The following NTRK2 variants were observed in gnomAD, a reference collection of about 807,000 sequenced individuals.
NTRK2 encodes BDNF/NT-3 growth factors receptor.
A neutral mutation model predicts 94.5 loss-of-function variants in NTRK2; 13 were observed. The ratio of observed to expected loss-of-function variants is 0.14; its 90% confidence interval spans 0.09 to 0.22. The LOEUF is 0.22. Ranked by LOEUF, NTRK2 falls within the 10% of genes least tolerant of loss-of-function variation. The pLI is 1.00. For synonymous variants in NTRK2, 372 were observed against 407.4 expected, an observed-to-expected ratio of 0.91 and a Z score of 1.05; for missense variants, 639 against 1,071.2, an observed-to-expected ratio of 0.60 and a Z score of 5.63.
At chr9:84,887,958 T>C (rs1396425054) in intron 14 of NTRK2, among the ~76,000 whole-genome samples, 2 of 152,198 alleles carry the variant, frequency 1.3e-5, no homozygotes, top group African/African-American at 4.8e-5. Context: ...TCCTATTTGA[T>C]TAAAATTCAG....
chr9:84,799,962 C>T (rs2070195811), intron 12 of NTRK2, among the ~76,000 whole-genome samples: 1 of 152,154 alleles, frequency 6.6e-6, no homozygotes, highest in African/African-American at 2.4e-5. Context: ...TTTACTTTCT[C>T]CCTCAAGAAA....
At chr9:84,873,167 A>G (rs1327019139) in intron 14 of NTRK2, 1 of 1,063,484 alleles carries the variant, frequency 9.4e-7, no homozygotes, top group African/African-American at 1.6e-5. Flanking sequence ...AAAAACGGGT[A>G]GAAACAATTG....
At chr9:84,848,508 G>A (rs760682886) in intron 12 of NTRK2, among the ~76,000 whole-genome samples, 1 of 152,180 alleles carries the variant, frequency 6.6e-6, no homozygotes, top group Non-Finnish European at 1.5e-5. Flanking sequence ...GATTCCTGGA[G>A]ACTGACATTT....
chr9:84,981,251 T>G (rs1026347209), intron 17 of NTRK2, among the ~76,000 whole-genome samples: 3 of 97,266 alleles, frequency 3.1e-5, no homozygotes, highest in Non-Finnish European at 6.2e-5. Flanking sequence ...CAGCCGGTTT[T>G]GTTTTGTTTT....
chr9:84,843,621 G>A (rs1046759707), intron 12 of NTRK2, among the ~76,000 whole-genome samples: 13 of 152,172 alleles, frequency 8.5e-5, no homozygotes, highest in African/African-American at 2.9e-4. Flanking sequence ...GCTTGGCCCT[G>A]CCCTCAGTCA....
chr9:84,959,526 G>A (rs567786091), intron 17 of NTRK2, among the ~76,000 whole-genome samples: 3 of 152,296 alleles, frequency 2.0e-5, no homozygotes, highest in African/African-American at 4.8e-5. Flanking sequence ...TTCGTTACAG[G>A]GGAGCTGGTA....
chr9:84,812,542 G>T lies in NTRK2; in HGVS notation c.1397-48498G>T, dbSNP rs200538623. 2.9e-6 allele frequency: 3 copies of T among 1,046,752 alleles called. No homozygotes were observed. In the African/African-American group the frequency reaches 5.0e-5, roughly 17 times the overall value. The allele number at this position is 1,046,752 out of a possible 1,614,324, so 64.8% of individuals were successfully genotyped here. On this transcript the variant is annotated intron_variant, in intron 12 of 18. Transcript: ENST00000277120. ...ACTTAGATTCCGATCTTTCCCAAAG[G>T]TGTTGATTTACAAAGAGGCCAGCTA...
At chr9:84,965,846 A>G (rs1460512536) in intron 17 of NTRK2, among the ~76,000 whole-genome samples, 5 of 152,222 alleles carry the variant, frequency 3.3e-5, no homozygotes, top group Admixed American at 3.3e-4. Context: ...TCAACTCTCC[A>G]TATCAATCTC....
intron 12 of NTRK2, among the ~76,000 whole-genome samples, chr9:84,809,741 G>A (rs377361567): frequency 1.3e-5 from 2 of 151,702 alleles, no homozygotes; most frequent in African/African-American, 2.4e-5. Flanking sequence ...AATTAGCCGC[G>A]CGTGGTGGCA....
intron 15 of NTRK2, among the ~76,000 whole-genome samples, chr9:84,938,963 G>A (rs1201970287): frequency 7.0e-6 from 1 of 143,384 alleles, no homozygotes; most frequent in Admixed American, 7.2e-5. Flanking sequence ...GAAGTGGAAG[G>A]ATTGCTTGAG....
chr9:84,713,086 C>G (rs2061511302), intron 6 of NTRK2, among the ~76,000 whole-genome samples: 1 of 152,148 alleles, frequency 6.6e-6, no homozygotes, highest in South Asian at 2.1e-4. Context: ...TTGATATTAG[C>G]AAACTTGTTA....
chr9:84,767,316 TA>T (rs1247530001), intron 12 of NTRK2, among the ~76,000 whole-genome samples: 1 of 152,216 alleles, frequency 6.6e-6, no homozygotes, highest in Non-Finnish European at 1.5e-5. Context: ...TCACAATGGT[TA>T]AACATTAAGT....
intron 14 of NTRK2, among the ~76,000 whole-genome samples, chr9:84,920,491 G>A (rs1186298847): frequency 1.3e-5 from 2 of 152,138 alleles, no homozygotes; most frequent in Non-Finnish European, 2.9e-5. Flanking sequence ...TTGTGCTTAA[G>A]CTCTTTCCCA....
In NTRK2 at chr9:85,026,474, A is replaced by G. The variant is rs915640985; in HGVS notation, c.*5037A>G. 4 of 232,338 alleles carry G rather than the reference A, an allele frequency of 1.7e-5. No individual in the cohort carries two copies. Among genetic ancestry groups the G allele is most frequent in the East Asian group, 1.2e-4 (2 of 16,434 alleles). The allele number at this position is 232,338 out of a possible 1,614,324, so 14.4% of individuals were successfully genotyped here. ...TAAAGGCCTATATCTTGCAGCTTGT[A>G]TATCTTACTATTGCTTAAAAAATGT... On this transcript the variant is annotated 3_prime_UTR_variant, in exon 19 of 19. Transcript: ENST00000277120.
intron 12 of NTRK2, among the ~76,000 whole-genome samples, chr9:84,856,424 C>G (rs118141356): frequency 6.6e-6 from 1 of 152,118 alleles, no homozygotes; most frequent in Non-Finnish European, 1.5e-5. Flanking sequence ...TTACTCACCC[C>G]GATTATGTGC....
intron 12 of NTRK2, among the ~76,000 whole-genome samples, chr9:84,757,609 A>G (rs1045082272): frequency 7.2e-5 from 11 of 152,320 alleles, no homozygotes; most frequent in African/African-American, 2.4e-4. Flanking sequence ...TCCGTCTGTA[A>G]TGGGACAATA....
intron 14 of NTRK2, among the ~76,000 whole-genome samples, chr9:84,879,233 G>A (rs1319654190): frequency 6.6e-6 from 1 of 152,132 alleles, no homozygotes; most frequent in African/African-American, 2.4e-5. Flanking sequence ...GAAAAGGACA[G>A]GAGGGAGGAT....
intron 17 of NTRK2, among the ~76,000 whole-genome samples, chr9:84,964,446 T>G (rs1026635493): frequency 3.9e-5 from 6 of 152,206 alleles, no homozygotes; most frequent in African/African-American, 1.4e-4. Flanking sequence ...TTCTCAGATC[T>G]TTTGGGAAGT....
intron 11 of NTRK2, 73 bp downstream of exon 11, chr9:84,745,146 G>T (rs2063954805): frequency 1.0e-6 from 1 of 976,826 alleles, no homozygotes; most frequent in East Asian, 2.4e-5. Context: ...GAATGTAGCT[G>T]CTTCAATAAG....
Sources: gnomAD v4.1 joint callset for allele counts (sites outside exome capture counted in the v4.1 genomes callset) on GRCh38, gnomAD v4.1.1 for gene constraint, MANE v1.5 for transcripts, NCBI Gene and HGNC (gene_info 2026-07-23, HGNC 2026-07-21) for gene names.